The following COL8A2 variants were observed in gnomAD, a reference collection of about 807,000 sequenced individuals.
COL8A2 encodes the protein collagen type VIII alpha 2 chain.
In COL8A2, 16 loss-of-function variants were observed where a neutral mutation model predicts 24.0. That is an observed-to-expected ratio of 0.67 (90% CI 0.45 to 1.01). COL8A2 has a LOEUF of 1.01. Ranked by LOEUF, COL8A2 falls within the 50% of genes least tolerant of loss-of-function variation. The probability of loss-of-function intolerance (pLI) is 0.00; values close to 1 mark genes in which losing one functional copy is unlikely to be tolerated. For missense variants in COL8A2, 818 were observed against 942.4 expected, an observed-to-expected ratio of 0.87 and a Z score of 1.73; for synonymous variants, 466 against 424.5, an observed-to-expected ratio of 1.10 and a Z score of -1.20.
In COL8A2 at chr1:36,125,049, G is replaced by T; in HGVS notation, c.-62+8C>A. 1 of 975,640 alleles carries T rather than the reference G, an allele frequency of 1.0e-6. No individual in the cohort carries two copies. The highest frequency in any genetic ancestry group is 1.2e-6 in the Non-Finnish European group (1 of 821,484). 60.4% of individuals were successfully genotyped at this position (975,640 alleles called of 1,614,324 possible). ...CCCGAGCCCCGGTGCCCGCCTCCTG[G>T]CCTTTACCTGCGGGCGCGGCCGCCG... On this transcript the variant is annotated splice_region_variant and intron_variant, in intron 1 of 3. Transcript: ENST00000397799. The surrounding 1 kb of genome is among the most constrained non-coding windows in gnomAD (Gnocchi z 4.5).
chr1:36,124,686 T>C (rs1643938225), intron 1 of COL8A2, among the ~76,000 whole-genome samples: 2 of 152,198 alleles, frequency 1.3e-5, no homozygotes, highest in South Asian at 4.1e-4. Flanking sequence ...TCTCCTCCAC[T>C]ACCCTGTGAA....
At position 36,098,723 on chromosome 1, in the gene COL8A2, G is replaced by A. The variant is rs1341920818; in HGVS notation, c.958C>T (p.Leu320=). Residue 320 remains leucine (L), a synonymous_variant, in exon 4 of 4, where the codon CTG becomes TTG. Coordinates refer to ENST00000397799, the MANE Select transcript of COL8A2 (RefSeq NM_005202.4). ...IGPTGYGMPG[L]PGPKGDRGPA... The stretch of plus-strand genomic sequence containing the variant: ...CCCCTGTCCCCCTTGGGGCCTGGCA[G>A]TCCTGGCATCCCATAGCCAGTGGGG... 6.2e-7 allele frequency: 1 copy of A among 1,610,120 alleles called. No individual in the cohort carries two copies. Among genetic ancestry groups the A allele is most frequent in the South Asian group, 1.1e-5 (1 of 91,006 alleles).
chr1:36,115,633 G>A lies in COL8A2; in HGVS notation c.-17+75C>T, dbSNP rs1370345279. 1.3e-5 allele frequency: 11 copies of A among 848,618 alleles called. No individual in the cohort carries two copies. The highest frequency in any genetic ancestry group is 1.6e-5 in the Non-Finnish European group (11 of 705,214). The allele number at this position is 848,618 out of a possible 1,614,324, so 52.6% of individuals were successfully genotyped here. A position where few individuals can be genotyped will look rare whatever the true frequency, so the allele number is the denominator to read the frequency against. On this transcript the variant is annotated intron_variant, in intron 2 of 3. Transcript: ENST00000397799. The surrounding 1 kb of genome is among the most constrained non-coding windows in gnomAD (Gnocchi z 5.7). Reference sequence around the variant, plus strand: ...GGCTTCCGGTGCAGCAGGAGGGAGTGAGGTTAGACAGCAATGAACACAGGC... The same window carrying A: ...GGCTTCCGGTGCAGCAGGAGGGAGTAAGGTTAGACAGCAATGAACACAGGC...
At position 36,099,078 on chromosome 1, in the gene COL8A2, A is replaced by G; in HGVS notation, c.603T>C (p.Asp201=). ...GPQGEPGPPG[D]RGLKGDNGVG... ...CTCCATTATCCCCCTTGAGGCCTCG[A>G]TCACCTGGGGGCCCAGGCTCCCCCT... is the stretch of plus-strand genomic sequence containing the variant. The change falls in exon 4 of 4, where the codon GAT becomes GAC. Residue 201 remains aspartate (D), a synonymous_variant. Transcript: ENST00000397799. 6.7e-7 allele frequency: 1 copy of G among 1,496,494 alleles called. No individual in the cohort carries two copies. The highest frequency in any genetic ancestry group is 1.3e-5 in the South Asian group (1 of 75,066). 92.7% of individuals were successfully genotyped at this position (1,496,494 alleles called of 1,614,324 possible).
rs142095044 is a variant in COL8A2, at chr1:36,106,752, G to A, written c.-16-6494C>T. ...CCCAAGTGCAGCCAGGAGCCCAGGC[G>A]GCACCCCCGCAAGCTGCCCACCTTT... On this transcript the variant is annotated intron_variant, in intron 2 of 3. Transcript: ENST00000397799. Among the ~76,000 whole-genome samples, 583 of 152,228 alleles carry A rather than the reference G, an allele frequency of 3.8e-3. 1 individual carries two copies. Among genetic ancestry groups the A allele is most frequent in the Admixed American group, 6.5e-3 (99 of 15,292 alleles).
Position 36,097,900 on chromosome 1 carries a change from A to T in COL8A2, c.1781T>A (p.Phe594Tyr). 3 of 1,612,410 alleles carry T rather than the reference A, an allele frequency of 1.9e-6. No homozygotes were observed. Among genetic ancestry groups the T allele is most frequent in the Non-Finnish European group, 2.5e-6 (3 of 1,179,958 alleles). The change falls in exon 4 of 4, where the codon TTT (phenylalanine) becomes TAT (tyrosine). Residue 594 changes from phenylalanine to tyrosine, a missense_variant. Around this residue, in one of 3 missense-constraint regions of COL8A2, gnomAD observed 235 missense variants for 297.3 expected, o/e 0.79. Transcript: ENST00000397799. Reference sequence around the variant, plus strand: ...GTGGCCATTGTAGAGAGTCCGGTCAAATTTCACGGGCATGCCCGAGGCGGG... The same window carrying T: ...GTGGCCATTGTAGAGAGTCCGGTCATATTTCACGGGCATGCCCGAGGCGGG... ...PFPASGMPVK[F>Y]DRTLYNGHSG...
In COL8A2 at chr1:36,120,019, AGGACCCACC is replaced by A. The variant is rs1643898832; in HGVS notation, c.-61-4276_-61-4268del. Among the ~76,000 whole-genome samples the A allele has an allele frequency of 1.1e-4, 16 of 152,240 alleles. No homozygotes were observed. In the South Asian group the frequency reaches 2.9e-3, roughly 28 times the overall value. The stretch of plus-strand genomic sequence containing the variant: ...CTTCACAGAGGCTTCCCTCCCTTGC[AGGACCCACC>A]AGGGACCACCAAGGGTTCCTAGATA... On this transcript the variant is annotated intron_variant, in intron 1 of 3. Transcript: ENST00000397799.
At chr1:36,103,291 G>A (rs1436403521) in intron 2 of COL8A2, among the ~76,000 whole-genome samples, 1 of 152,002 alleles carries the variant, frequency 6.6e-6, no homozygotes, top group Admixed American at 6.6e-5. Flanking sequence ...TTTGTTTTTT[G>A]AGACAGGGTC....
At chr1:36,103,009 T>C (rs988207445) in intron 2 of COL8A2, among the ~76,000 whole-genome samples, 2 of 152,090 alleles carry the variant, frequency 1.3e-5, no homozygotes, top group African/African-American at 2.4e-5. Flanking sequence ...GGATACACAG[T>C]GTCACTCTGT....
chr1:36,114,101 G>C (rs1643867901), intron 2 of COL8A2, among the ~76,000 whole-genome samples: 1 of 152,040 alleles, frequency 6.6e-6, no homozygotes, highest in Non-Finnish European at 1.5e-5. Flanking sequence ...GGCAGATCAT[G>C]AGGTCAGGAG....
rs1179106057 is a variant in COL8A2 at position 36,115,466 on chromosome 1, C to A, written c.-17+242G>T. Among the ~76,000 whole-genome samples the A allele has an allele frequency of 2.0e-5, 3 of 152,110 alleles. No homozygotes were observed. The highest frequency in any genetic ancestry group is 4.4e-5 in the Non-Finnish European group (3 of 68,004). On this transcript the variant is annotated intron_variant, in intron 2 of 3. Coordinates refer to ENST00000397799, the MANE Select transcript of COL8A2 (RefSeq NM_005202.4). This position sits in a 1 kb window ranked among gnomAD's most constrained non-coding sequence, Gnocchi z 5.7. ...CCCAGGCTGGGCCAAGCAAACACGGCCCCGCCAAGGAGCCAGGCGAAATAG... is the reference window on the plus strand; with the variant it reads ...CCCAGGCTGGGCCAAGCAAACACGGACCCGCCAAGGAGCCAGGCGAAATAG...
At chr1:36,114,745 C>T (rs2124102560) in intron 2 of COL8A2, among the ~76,000 whole-genome samples, 1 of 152,208 alleles carries the variant, frequency 6.6e-6, no homozygotes, top group Non-Finnish European at 1.5e-5. Flanking sequence ...AGCCTGTAGC[C>T]TGGGGGCTCC....
intron 2 of COL8A2, among the ~76,000 whole-genome samples, chr1:36,108,033 C>T (rs561958542): frequency 6.6e-6 from 1 of 152,346 alleles, no homozygotes; most frequent in South Asian, 2.1e-4. Flanking sequence ...CACAGTGATG[C>T]TCCAGTGTTT....
intron 2 of COL8A2, among the ~76,000 whole-genome samples, chr1:36,104,603 C>A (rs141868087): frequency 0.025 from 3,740 of 151,740 alleles, 75 homozygotes; most frequent in Non-Finnish European, 0.038. Context: ...GTCAGGAGAT[C>A]GAGATCATAG....
rs1232793169 is a variant in COL8A2, at chr1:36,115,972, G to A, written c.-61-220C>T. ...CCAGCTACTTAGGAGGCTGAGGTGG[G>A]TGGTATTGCTTGAGCCCAGGAGTTC... On this transcript the variant is annotated intron_variant, in intron 1 of 3. Coordinates refer to ENST00000397799, the MANE Select transcript of COL8A2 (RefSeq NM_005202.4). This position sits in a 1 kb window ranked among gnomAD's most constrained non-coding sequence, Gnocchi z 5.7. Among the ~76,000 whole-genome samples, 3 of 151,800 alleles carry A rather than the reference G, an allele frequency of 2.0e-5. No homozygotes were observed. Among genetic ancestry groups the A allele is most frequent in the Non-Finnish European group, 4.4e-5 (3 of 67,982 alleles).
intron 1 of COL8A2, among the ~76,000 whole-genome samples, chr1:36,116,166 A>G (rs979947183): frequency 6.6e-5 from 10 of 151,086 alleles, no homozygotes; most frequent in South Asian, 4.2e-4. Flanking sequence ...TCTTACCAGA[A>G]CCCCCTGCTG....
intron 2 of COL8A2, among the ~76,000 whole-genome samples, chr1:36,101,748 A>C (rs1643681476): frequency 6.6e-6 from 1 of 152,272 alleles, no homozygotes; most frequent in African/African-American, 2.4e-5. Context: ...GGCAATGAAA[A>C]TGAATGAAGT....
intron 2 of COL8A2, among the ~76,000 whole-genome samples, chr1:36,100,788 C>T (rs1187036927): frequency 6.7e-6 from 1 of 148,722 alleles, no homozygotes; most frequent in Non-Finnish European, 1.5e-5. Context: ...TGGGATTTGT[C>T]TTAGGTCTGT....
At position 36,099,011 on chromosome 1, in the gene COL8A2, C is replaced by T. The variant is rs1276165687; in HGVS notation, c.670G>A (p.Ala224Thr). 38 of 1,566,934 alleles carry T rather than the reference C, an allele frequency of 2.4e-5. No homozygotes were observed. The highest frequency in any genetic ancestry group is 3.1e-5 in the Non-Finnish European group (36 of 1,153,748). ...CCAGGGAGGCCGGGGGGGCCGGGGG[C>T]ACCCCCCTGCCCTGGGGCCCCAGGC... ...GLPGAPGQGG[A>T]PGPPGLPGPA... The change falls in exon 4 of 4, where the codon GCC (alanine) becomes ACC (threonine). Residue 224 changes from alanine (A) to threonine (T), a missense_variant. This residue lies in a region of COL8A2 where 573 missense variants were observed against 616.8 expected (regional missense o/e 0.93). Coordinates refer to ENST00000397799, the MANE Select transcript of COL8A2 (RefSeq NM_005202.4).
Sources: gnomAD v4.1 joint callset for allele counts (sites outside exome capture counted in the v4.1 genomes callset) on GRCh38, gnomAD v4.1.1 for gene constraint, gnomAD v4.1.1 regional missense constraint, Gnocchi (gnomAD v3.1) non-coding constraint, MANE v1.5 for transcripts, NCBI Gene and HGNC (gene_info 2026-07-23, HGNC 2026-07-21) for gene names.